DENND1A: variants seen among roughly 807,000 people sequenced by gnomAD.
DENND1A encodes the protein DENN domain-containing protein 1A.
A neutral mutation model predicts 113.7 loss-of-function variants in DENND1A; 51 were observed. That is an observed-to-expected ratio of 0.45 (90% confidence interval 0.36 to 0.57). The LOEUF (loss-of-function observed/expected upper bound fraction) is 0.57, where lower values mean the gene tolerates loss of function less well. DENND1A is among the 20% of genes least tolerant of loss of function. The pLI is 0.00. For missense variants in DENND1A, 1,258 were observed against 1,395.9 expected, an observed-to-expected ratio of 0.90 and a Z score of 1.57; for synonymous variants, 565 against 570.8, an observed-to-expected ratio of 0.99 and a Z score of 0.14.
At chr9:123,800,034 T>A (rs910227312) in intron 2 of DENND1A, among the ~76,000 whole-genome samples, 2 of 152,234 alleles carry the variant, frequency 1.3e-5, no homozygotes, top group Non-Finnish European at 2.9e-5. Context: ...CCAATTAAAA[T>A]TTTCCCATTG....
chr9:123,844,090 TA>T (rs34937967), intron 2 of DENND1A, among the ~76,000 whole-genome samples: 5 of 130,284 alleles, frequency 3.8e-5, no homozygotes, highest in Admixed American at 1.4e-4. Context: ...AAAGGGCATC[TA>T]AAAAAATGAT....
At chr9:123,586,419 T>C (rs972670055) in intron 11 of DENND1A, among the ~76,000 whole-genome samples, 1 of 152,150 alleles carries the variant, frequency 6.6e-6, no homozygotes, top group Non-Finnish European at 1.5e-5. Context: ...TTAAGCTCTG[T>C]GGAGTGTTTA....
intron 5 of DENND1A, among the ~76,000 whole-genome samples, chr9:123,740,899 T>TGAGAGTGAGA (rs1554727814): frequency 2.8e-5 from 3 of 108,870 alleles, no homozygotes; most frequent in African/African-American, 3.7e-5. Flanking sequence ...GAAGGGAAAG[T>TGAGAGTGAGA]GAGAGAGAGA....
intron 2 of DENND1A, among the ~76,000 whole-genome samples, chr9:123,824,193 T>A (rs554749611): frequency 3.2e-4 from 48 of 151,918 alleles, no homozygotes; most frequent in African/African-American, 1.1e-3. Context: ...CTCAGAGAGG[T>A]AAAGTAGGGA....
At chr9:123,861,325 T>C (rs1035773253) in intron 2 of DENND1A, among the ~76,000 whole-genome samples, 2 of 152,218 alleles carry the variant, frequency 1.3e-5, no homozygotes, top group Non-Finnish European at 2.9e-5. Context: ...AGTTCCCTCC[T>C]GAAAAGAAAA....
chr9:123,719,736 C>T (rs1177281626), intron 5 of DENND1A, among the ~76,000 whole-genome samples: 1 of 151,964 alleles, frequency 6.6e-6, no homozygotes, highest in Non-Finnish European at 1.5e-5. Flanking sequence ...TTCATATACA[C>T]CTCATAACAC....
chr9:123,845,147 G>A (rs1333073248), intron 2 of DENND1A, among the ~76,000 whole-genome samples: 1 of 152,000 alleles, frequency 6.6e-6, no homozygotes, highest in African/African-American at 2.4e-5. Context: ...TTGAACCCGG[G>A]AGGCAGAGGT....
chr9:123,790,787 C>T (rs1025536347), intron 3 of DENND1A, among the ~76,000 whole-genome samples: 4 of 152,094 alleles, frequency 2.6e-5, no homozygotes, highest in Non-Finnish European at 5.9e-5. Context: ...AAGAATAGTA[C>T]ATGTGTATGC....
At chr9:123,583,379 A>G in intron 11 of DENND1A, 109 bp from the exon 12 acceptor site, 1 of 766,300 alleles carries the variant, frequency 1.3e-6, no homozygotes, top group South Asian at 1.8e-5. Context: ...GACATTTGAC[A>G]AAGTCTTACT....
chr9:123,680,195 C>A (rs1289598465), intron 5 of DENND1A, among the ~76,000 whole-genome samples: 1 of 152,206 alleles, frequency 6.6e-6, no homozygotes, highest in Non-Finnish European at 1.5e-5. Flanking sequence ...ACAGCCTGCT[C>A]CCCAGGCACC....
intron 1 of DENND1A, among the ~76,000 whole-genome samples, chr9:123,915,389 T>C (rs1854901848): frequency 6.6e-6 from 1 of 152,126 alleles, no homozygotes; most frequent in Admixed American, 6.6e-5. Flanking sequence ...GAAGATTTGA[T>C]TCTGGTCATG....
At chr9:123,753,639 C>T (rs2070263777) in intron 5 of DENND1A, among the ~76,000 whole-genome samples, 1 of 152,240 alleles carries the variant, frequency 6.6e-6, no homozygotes, top group Admixed American at 6.5e-5. Context: ...ATTCTTGATG[C>T]ATTTCCCTGT....
rs1451502174 is a variant in DENND1A at position 123,812,473 on chromosome 9, T to G, written c.89-19843A>C. On this transcript the variant is annotated intron_variant, in intron 2 of 23. Transcript: ENST00000394215. ...CTATGAACATTCTTGATATGACACT[T>G]TGTACACAAATGAGAATTTCACTGC... Among the ~76,000 whole-genome samples, 10 of 152,238 alleles carry G rather than the reference T, an allele frequency of 6.6e-5. 1 individual carries two copies. In the South Asian group the frequency reaches 2.1e-3, roughly 32 times the overall value.
intron 5 of DENND1A, among the ~76,000 whole-genome samples, chr9:123,735,603 A>G (rs142962344): frequency 6.6e-6 from 1 of 152,232 alleles, no homozygotes; most frequent in Non-Finnish European, 1.5e-5. Flanking sequence ...TCCTCTCATG[A>G]GTAACAAAAC....
intron 19 of DENND1A, among the ~76,000 whole-genome samples, chr9:123,417,260 C>G (rs1217244096): frequency 6.6e-6 from 1 of 152,208 alleles, no homozygotes; most frequent in Non-Finnish European, 1.5e-5. Flanking sequence ...CCAGAAAAGT[C>G]CTATGGACGT....
chr9:123,590,889 G>A lies in DENND1A; in HGVS notation c.766-7619C>T, dbSNP rs139056529. 1.3e-3 allele frequency among the ~76,000 whole-genome samples: 203 copies of A among 152,128 alleles called. 2 individuals carry two copies. The highest frequency in any genetic ancestry group is 4.6e-4 in the Non-Finnish European group (31 of 68,004). On this transcript the variant is annotated intron_variant, in intron 11 of 23. Transcript: ENST00000394215. ...CCAACCATACAAGGTAAGAGTGTGC[G>A]AACAATGGTGAATGAATGCCACGCT... is the stretch of plus-strand genomic sequence containing the variant.
chr9:123,551,744 C>T (rs190664251), intron 13 of DENND1A, among the ~76,000 whole-genome samples: 5 of 152,278 alleles, frequency 3.3e-5, no homozygotes, highest in East Asian at 3.9e-4. Context: ...ATAATTCACC[C>T]GGCCCTGAAG....
intron 5 of DENND1A, among the ~76,000 whole-genome samples, chr9:123,734,308 T>C (rs1490166211): frequency 6.6e-6 from 1 of 152,204 alleles, no homozygotes; most frequent in Non-Finnish European, 1.5e-5. Flanking sequence ...AAATTGCCTG[T>C]TTAAAATACA....
At chr9:123,809,872 C>T (rs143385993) in intron 2 of DENND1A, among the ~76,000 whole-genome samples, 2,003 of 152,146 alleles carry the variant, frequency 0.013, 52 homozygotes, top group African/African-American at 0.046. Context: ...GGTTTCACCA[C>T]GTCGGCCAGG....
Sources: allele counts gnomAD v4.1 joint callset (sites outside exome capture counted in the v4.1 genomes callset), GRCh38; gene constraint gnomAD v4.1.1; transcripts MANE v1.5; gene names NCBI Gene and HGNC (gene_info 2026-07-23, HGNC 2026-07-21).